Variants in TRIO observed in about 807,000 individuals in gnomAD.
The protein encoded by TRIO is trio Rho guanine nucleotide exchange factor.
In TRIO, 58 loss-of-function variants were observed where a neutral mutation model predicts 351.9. The observed-to-expected ratio is 0.16, with a 90% CI of 0.13 to 0.21. The LOEUF (loss-of-function observed/expected upper bound fraction) is 0.21. Ranked by LOEUF, TRIO falls within the 10% of genes least tolerant of loss-of-function variation. The probability of loss-of-function intolerance (pLI) is 1.00; values close to 1 mark genes in which losing one functional copy is unlikely to be tolerated. For missense variants in TRIO, 3,201 were observed against 4,027.8 expected, an observed-to-expected ratio of 0.79 and a Z score of 5.56; for synonymous variants, 1,758 against 1,595.7, an observed-to-expected ratio of 1.10 and a Z score of -2.42.
At chr5:14,228,756 G>A (rs565191473) in intron 1 of TRIO, among the ~76,000 whole-genome samples, 82 of 152,192 alleles carry the variant, frequency 5.4e-4, no homozygotes, top group African/African-American at 1.8e-3. Context: ...TGTTATTAAG[G>A]TTGTTTGAAT....
intron 45 of TRIO, among the ~76,000 whole-genome samples, chr5:14,482,093 A>G (rs774129391): frequency 3.3e-5 from 5 of 152,228 alleles, no homozygotes; most frequent in Admixed American, 1.3e-4. Context: ...CAGAACCAGA[A>G]TCTTCTTTTA....
intron 1 of TRIO, among the ~76,000 whole-genome samples, chr5:14,172,795 C>T (rs180822353): frequency 2.6e-5 from 4 of 152,292 alleles, no homozygotes; most frequent in Admixed American, 2.6e-4. Context: ...GGAGGTGGAA[C>T]TGGATACAGC....
intron 34 of TRIO, among the ~76,000 whole-genome samples, chr5:14,426,942 T>C (rs574135096): frequency 1.3e-5 from 2 of 152,052 alleles, no homozygotes; most frequent in Non-Finnish European, 2.9e-5. Flanking sequence ...TTACTCAGAG[T>C]TCCTAGAAAT....
chr5:14,403,231 G>A (rs1748282575), intron 31 of TRIO, among the ~76,000 whole-genome samples: 1 of 142,518 alleles, frequency 7.0e-6, no homozygotes, highest in East Asian at 2.1e-4. Flanking sequence ...TGGTGAGGGT[G>A]TAGGTTGTGG....
chr5:14,398,483 G>T (rs1000889690), intron 29 of TRIO, among the ~76,000 whole-genome samples: 13 of 152,092 alleles, frequency 8.5e-5, no homozygotes, highest in African/African-American at 2.9e-4. Flanking sequence ...ACGGAGGCTG[G>T]GAAGTAGGTG....
chr5:14,401,264 A>G (rs1314657171), intron 31 of TRIO, among the ~76,000 whole-genome samples, 200 bp downstream of exon 31: 1 of 152,232 alleles, frequency 6.6e-6, no homozygotes, highest in East Asian at 1.9e-4. Context: ...AATTTGAGTT[A>G]AACTTTCACT....
Position 14,481,597 on chromosome 5 carries a change from G to C in TRIO, c.6444G>C (p.Val2148=), listed in dbSNP as rs748999267. 6.8e-6 allele frequency: 11 copies of C among 1,613,914 alleles called. 1 individual carries two copies. The South Asian group carries it at 1.2e-4, about 18-fold the overall frequency. ...GGCGGTGCAACGACATGATGAACGT[G>C]GGGCGGCTGCAAGGATTCGACGTAA... The part of the protein sequence containing the change: ...VPRRCNDMMN[V]GRLQGFDGKI... The change falls in exon 45 of 57, where the codon GTG becomes GTC. Residue 2148 remains valine, a synonymous_variant. Transcript: ENST00000344204.
chr5:14,277,618 G>GT (rs1735652910), intron 2 of TRIO, among the ~76,000 whole-genome samples: 1 of 152,168 alleles, frequency 6.6e-6, no homozygotes, highest in African/African-American at 2.4e-5. Flanking sequence ...GAACTGCAGT[G>GT]CTGTTATTTT....
At chr5:14,289,655 G>A (rs573504964) in intron 4 of TRIO, among the ~76,000 whole-genome samples, 5 of 151,968 alleles carry the variant, frequency 3.3e-5, no homozygotes, top group South Asian at 2.1e-4. Context: ...TGAAACCAGC[G>A]TGACCAACAT....
At chr5:14,383,720 CT>C (rs1746314555) in intron 21 of TRIO, among the ~76,000 whole-genome samples, 1 of 152,124 alleles carries the variant, frequency 6.6e-6, no homozygotes, top group Non-Finnish European at 1.5e-5. Context: ...TCTTAGCAAT[CT>C]TTTTCTTTGG....
At chr5:14,175,788 G>A (rs947075382) in intron 1 of TRIO, among the ~76,000 whole-genome samples, 12 of 152,294 alleles carry the variant, frequency 7.9e-5, no homozygotes, top group African/African-American at 2.4e-4. Context: ...TGAGAGCTCC[G>A]CAAAATCTGT....
At position 14,186,546 on chromosome 5, in the gene TRIO, G is replaced by A. The variant is rs547358669; in HGVS notation, c.157+42664G>A. Among the ~76,000 whole-genome samples the A allele has an allele frequency of 9.9e-5, 15 of 152,096 alleles. No homozygotes were observed. The East Asian group carries it at 2.5e-3, about 25-fold the overall frequency. Reference sequence around the variant, plus strand: ...TCTTGCATTCATTTCTGAATGAGTCGGCCTGTCGTTTGCACATTAGTGACC... The same window carrying A: ...TCTTGCATTCATTTCTGAATGAGTCAGCCTGTCGTTTGCACATTAGTGACC... On this transcript the variant is annotated intron_variant, in intron 1 of 56. Transcript: ENST00000344204.
intron 34 of TRIO, among the ~76,000 whole-genome samples, chr5:14,440,354 C>T (rs1045679334): frequency 6.6e-6 from 1 of 152,184 alleles, no homozygotes; most frequent in Non-Finnish European, 1.5e-5. Flanking sequence ...GGGGAGCGCA[C>T]ACACACCACA....
intron 1 of TRIO, among the ~76,000 whole-genome samples, chr5:14,263,408 T>C (rs927568044): frequency 1.3e-5 from 2 of 151,854 alleles, no homozygotes; most frequent in African/African-American, 4.8e-5. Flanking sequence ...AGTAGAATTA[T>C]AGCTTTATTT....
intron 34 of TRIO, among the ~76,000 whole-genome samples, chr5:14,456,521 AG>A (rs1753324577): frequency 6.6e-6 from 1 of 152,202 alleles, no homozygotes; most frequent in Admixed American, 6.5e-5. Flanking sequence ...TCAAATCCTG[AG>A]CAAAAAAGTA....
chr5:14,479,329 A>G lies in TRIO; in HGVS notation c.6222A>G (p.Glu2074=), dbSNP rs1204003493. 1 of 1,613,326 alleles carries G rather than the reference A, an allele frequency of 6.2e-7. No individual in the cohort carries two copies. The highest frequency in any genetic ancestry group is 1.7e-5 in the Admixed American group (1 of 59,936). The part of the protein sequence containing the change: ...NKPKSEHIVS[E]YIDTFFEDLK... ...CAAAGTCTGAGCACATTGTCTCAGA[A>G]TACATTGATACCTTTTTTGAGGTAA... Residue 2074 remains glutamate (E), a synonymous_variant, in exon 42 of 57, where the codon GAA becomes GAG. Transcript: ENST00000344204.
chr5:14,155,019 C>T (rs1412203416), intron 1 of TRIO, among the ~76,000 whole-genome samples: 3 of 152,192 alleles, frequency 2.0e-5, no homozygotes, highest in Non-Finnish European at 2.9e-5. Context: ...ATACAAAGCT[C>T]AGGTCCGAAT....
chr5:14,407,771 A>G (rs1011287848), intron 33 of TRIO, among the ~76,000 whole-genome samples: 3 of 152,232 alleles, frequency 2.0e-5, no homozygotes, highest in Non-Finnish European at 2.9e-5. Flanking sequence ...GTAAATTGCT[A>G]GTAGAATTTG....
rs1554031817 is a variant in TRIO at position 14,199,218 on chromosome 5, A to AAAAC, written c.157+55337_157+55338insAACA. ...CTCAAAAAAAAAAAAAAAAAAAAAA[A>AAAAC]ACCTCCCTAAAAATGCAACTCAAAG... On this transcript the variant is annotated intron_variant, in intron 1 of 56. Coordinates refer to ENST00000344204, the MANE Select transcript of TRIO (RefSeq NM_007118.4). Among the ~76,000 whole-genome samples the AAAAC allele has an allele frequency of 4.0e-5, 6 of 149,612 alleles. No homozygotes were observed. In the East Asian group the frequency reaches 1.0e-3, roughly 25 times the overall value.
Sources: allele counts gnomAD v4.1 joint callset (sites outside exome capture counted in the v4.1 genomes callset), GRCh38; gene constraint gnomAD v4.1.1; transcripts MANE v1.5; gene names NCBI Gene and HGNC (gene_info 2026-07-23, HGNC 2026-07-21).